The following CSMD1 variants were observed in gnomAD, a reference collection of about 807,000 sequenced individuals.
CSMD1 encodes CUB and Sushi multiple domains 1.
CSMD1 carries 213 observed loss-of-function variants against 417.5 expected under a neutral mutation model. The observed-to-expected ratio is 0.51, with a 90% CI of 0.46 to 0.57. CSMD1 has a LOEUF of 0.57. CSMD1 is among the 20% of genes least tolerant of loss of function. The probability of loss-of-function intolerance (pLI) is 0.00; values close to 1 mark genes in which losing one functional copy is unlikely to be tolerated. For missense variants in CSMD1, 6,923 were observed against 4,529.7 expected (o/e 1.53, Z -15.17); for synonymous variants, 2,862 against 1,736.8 (o/e 1.65, Z -16.11).
intron 2 of CSMD1, among the ~76,000 whole-genome samples, chr8:4,431,393 T>C (rs1274079836): frequency 1.3e-5 from 2 of 152,060 alleles, no homozygotes; most frequent in African/African-American, 2.4e-5. Context: ...CTTAGAACCA[T>C]ACGCACAAAC....
intron 3 of CSMD1, among the ~76,000 whole-genome samples, chr8:4,389,354 T>C (rs1324845245): frequency 6.6e-6 from 1 of 152,138 alleles, no homozygotes; most frequent in African/African-American, 2.4e-5. Context: ...AGAGCTGATA[T>C]GTGGAGGGAG....
At chr8:4,912,830 G>T (rs1048421613) in intron 1 of CSMD1, among the ~76,000 whole-genome samples, 3 of 151,778 alleles carry the variant, frequency 2.0e-5, no homozygotes, top group African/African-American at 7.3e-5. Context: ...CTGTCTCCTA[G>T]ACTAGAGTGC....
intron 3 of CSMD1, among the ~76,000 whole-genome samples, chr8:4,253,495 C>G (rs1400349896): frequency 6.6e-6 from 1 of 152,052 alleles, no homozygotes; most frequent in Non-Finnish European, 1.5e-5. Flanking sequence ...ATGCACCAGA[C>G]ACTAGGTTAA....
At chr8:3,642,860 TAG>T (rs1044157226) in intron 7 of CSMD1, among the ~76,000 whole-genome samples, 3 of 151,848 alleles carry the variant, frequency 2.0e-5, no homozygotes, top group African/African-American at 7.3e-5. Context: ...TATCTATATA[TAG>T]ATTATACATA....
chr8:4,384,153 G>C (rs1803288018), intron 3 of CSMD1, among the ~76,000 whole-genome samples: 1 of 152,160 alleles, frequency 6.6e-6, no homozygotes, highest in African/African-American at 2.4e-5. Context: ...TCCTCCCTTG[G>C]GAATGCCAGG....
At chr8:4,207,880 T>C (rs1474466206) in intron 3 of CSMD1, among the ~76,000 whole-genome samples, 1 of 152,132 alleles carries the variant, frequency 6.6e-6, no homozygotes. Context: ...GTGGAGAAAT[T>C]AGTCCTCATG....
At chr8:3,195,916 C>A (rs1402051306) in intron 33 of CSMD1, among the ~76,000 whole-genome samples, 2 of 152,096 alleles carry the variant, frequency 1.3e-5, no homozygotes, top group Non-Finnish European at 2.9e-5. Context: ...GGTGTTTGAT[C>A]CAGAGTGACT....
intron 2 of CSMD1, among the ~76,000 whole-genome samples, chr8:4,626,469 G>T (rs1428623076): frequency 6.6e-6 from 1 of 152,040 alleles, no homozygotes; most frequent in South Asian, 2.1e-4. Flanking sequence ...GTGTGAGATG[G>T]GTGCAACATT....
intron 1 of CSMD1, among the ~76,000 whole-genome samples, chr8:4,643,249 A>G (rs1233368646): frequency 2.6e-5 from 4 of 152,176 alleles, no homozygotes; most frequent in Admixed American, 6.5e-5. Flanking sequence ...AACCTTACAT[A>G]TTTATTACAC....
At chr8:3,692,824 A>C (rs1351893614) in intron 7 of CSMD1, among the ~76,000 whole-genome samples, 1 of 152,194 alleles carries the variant, frequency 6.6e-6, no homozygotes, top group African/African-American at 2.4e-5. Context: ...TGCATGGCAA[A>C]AATATTATTA....
intron 3 of CSMD1, among the ~76,000 whole-genome samples, chr8:4,106,753 G>A (rs954397992): frequency 2.0e-5 from 3 of 152,056 alleles, no homozygotes; most frequent in Non-Finnish European, 2.9e-5. Flanking sequence ...AACAGACCCC[G>A]CACAGCTAGT....
chr8:3,313,750 C>G (rs1357134197), intron 23 of CSMD1, among the ~76,000 whole-genome samples: 2 of 152,112 alleles, frequency 1.3e-5, no homozygotes, highest in African/African-American at 4.8e-5. Flanking sequence ...TACCATTTGA[C>G]CCAGCCATCC....
intron 3 of CSMD1, among the ~76,000 whole-genome samples, chr8:4,112,488 G>C (rs1443302957): frequency 7.9e-5 from 12 of 152,160 alleles, no homozygotes; most frequent in Admixed American, 2.0e-4. Context: ...TGCCAATGGA[G>C]TGACCCATCC....
intron 4 of CSMD1, among the ~76,000 whole-genome samples, chr8:4,009,840 C>T (rs1476709655): frequency 6.6e-6 from 1 of 152,122 alleles, no homozygotes; most frequent in Non-Finnish European, 1.5e-5. Flanking sequence ...ACCCCACTTA[C>T]TTCATGCCTG....
chr8:4,579,839 C>A (rs1215562445), intron 2 of CSMD1, among the ~76,000 whole-genome samples: 1 of 152,050 alleles, frequency 6.6e-6, no homozygotes, highest in Non-Finnish European at 1.5e-5. Context: ...GGATTCAATT[C>A]TCAGATAAAC....
chr8:3,926,235 T>A (rs150692735), intron 5 of CSMD1, among the ~76,000 whole-genome samples: 1,680 of 152,300 alleles, frequency 0.011, 10 homozygotes, highest in Middle Eastern at 0.041. Flanking sequence ...TTTCCTCTTT[T>A]ATGTGTTAAT....
intron 2 of CSMD1, among the ~76,000 whole-genome samples, chr8:4,452,470 A>T (rs770674314): frequency 6.6e-6 from 1 of 152,192 alleles, no homozygotes; most frequent in Non-Finnish European, 1.5e-5. Flanking sequence ...TTACCCACTC[A>T]TATTTGAGCA....
At chr8:3,196,253 G>C (rs1367396024) in intron 33 of CSMD1, among the ~76,000 whole-genome samples, 2 of 152,128 alleles carry the variant, frequency 1.3e-5, no homozygotes, top group African/African-American at 2.4e-5. Flanking sequence ...GGTCTAAAAA[G>C]GAGAGAAATC....
chr8:4,519,889 C>A (rs1204750384), intron 2 of CSMD1, among the ~76,000 whole-genome samples: 1 of 149,058 alleles, frequency 6.7e-6, no homozygotes, highest in Non-Finnish European at 1.5e-5. Context: ...GAAGTGAATT[C>A]CAAACAGTAA....
Sources: gnomAD v4.1 joint callset for allele counts (sites outside exome capture counted in the v4.1 genomes callset) on GRCh38, gnomAD v4.1.1 for gene constraint, MANE v1.5 for transcripts, NCBI Gene and HGNC (gene_info 2026-07-23, HGNC 2026-07-21) for gene names.